The following CA10 variants were observed in gnomAD, a reference collection of about 807,000 sequenced individuals.
CA10 encodes the protein carbonic anhydrase 10 (inactive).
A neutral mutation model predicts 44.2 loss-of-function variants in CA10; 14 were observed. That is an observed-to-expected ratio of 0.32 (90% CI 0.21 to 0.50). The LOEUF is 0.50. Among genes scored for constraint, CA10 ranks in the 20% least tolerant of loss-of-function variants. The pLI is 0.99. For missense variants in CA10, 350 were observed against 409.7 expected, an observed-to-expected ratio of 0.85 and a Z score of 1.26; for synonymous variants, 159 against 141.6, an observed-to-expected ratio of 1.12 and a Z score of -0.87.
intron 2 of CA10, among the ~76,000 whole-genome samples, chr17:52,064,053 G>C (rs2143104777): frequency 6.6e-6 from 1 of 152,346 alleles, no homozygotes; most frequent in South Asian, 2.1e-4. Flanking sequence ...TTAAAAGAGA[G>C]TCTAGGCCTT....
intron 4 of CA10, among the ~76,000 whole-genome samples, chr17:51,674,780 G>C (rs1287962777): frequency 2.6e-5 from 4 of 152,142 alleles, no homozygotes; most frequent in Admixed American, 2.6e-4. Flanking sequence ...CAGGATTGAA[G>C]TCAGTTAAAA....
At chr17:52,063,795 T>G (rs930968181) in intron 2 of CA10, among the ~76,000 whole-genome samples, 3 of 152,170 alleles carry the variant, frequency 2.0e-5, no homozygotes, top group African/African-American at 7.2e-5. Flanking sequence ...AAATTCTTTA[T>G]GAATTATCCA....
At chr17:51,754,400 GAT>G (rs56145404) in intron 3 of CA10, among the ~76,000 whole-genome samples, 3,630 of 71,552 alleles carry the variant, frequency 0.051, 102 homozygotes, top group Non-Finnish European at 0.057. Context: ...GTGTGTGTGT[GAT>G]ATATATATAT....
chr17:52,149,156 T>C (rs1471095480), intron 1 of CA10, among the ~76,000 whole-genome samples: 1 of 152,262 alleles, frequency 6.6e-6, no homozygotes, highest in Non-Finnish European at 1.5e-5. Context: ...ATTCCAACTC[T>C]GGCATTGCTG....
chr17:51,638,485 T>C (rs140500800), intron 6 of CA10, among the ~76,000 whole-genome samples: 1 of 152,358 alleles, frequency 6.6e-6, no homozygotes, highest in Non-Finnish European at 1.5e-5. Context: ...GTCTGCACTA[T>C]GGCCTGTTTG....
chr17:52,142,144 C>G (rs1344453251), intron 1 of CA10, among the ~76,000 whole-genome samples: 1 of 152,168 alleles, frequency 6.6e-6, no homozygotes, highest in Admixed American at 6.5e-5. Context: ...TAAGTGTCTG[C>G]AAGGTGCCTT....
chr17:51,706,881 A>G (rs1166258765), intron 4 of CA10, among the ~76,000 whole-genome samples: 1 of 152,056 alleles, frequency 6.6e-6, no homozygotes, highest in Non-Finnish European at 1.5e-5. Context: ...GTCTTTGTTC[A>G]TATGTCACAT....
At chr17:51,701,286 C>T (rs1245043392) in intron 4 of CA10, among the ~76,000 whole-genome samples, 1 of 151,994 alleles carries the variant, frequency 6.6e-6, no homozygotes. Flanking sequence ...GTCTGTGTCC[C>T]AATTTCCCTC....
chr17:51,717,724 TATACATATATAC>T (rs1567815360), intron 4 of CA10, among the ~76,000 whole-genome samples: 3 of 32,790 alleles, frequency 9.1e-5, no homozygotes, highest in East Asian at 1.3e-3. Flanking sequence ...TATACGTATA[TATACATATATAC>T]GTATATATAC....
chr17:51,956,515 G>T (rs1191717528), intron 2 of CA10, among the ~76,000 whole-genome samples: 3 of 152,132 alleles, frequency 2.0e-5, no homozygotes, highest in African/African-American at 7.2e-5. Flanking sequence ...AAAAATAATT[G>T]TCTTCAACAG....
intron 2 of CA10, among the ~76,000 whole-genome samples, chr17:52,027,764 G>A (rs987465405): frequency 6.6e-6 from 1 of 152,106 alleles, no homozygotes; most frequent in East Asian, 1.9e-4. Context: ...CCAGAAGTGA[G>A]GCAGATACAA....
At chr17:51,979,979 T>C (rs931055190) in intron 2 of CA10, among the ~76,000 whole-genome samples, 1 of 152,156 alleles carries the variant, frequency 6.6e-6, no homozygotes, top group Admixed American at 6.6e-5. Flanking sequence ...TGAATAGTGC[T>C]GCAATGAAAG....
intron 1 of CA10, among the ~76,000 whole-genome samples, chr17:52,132,104 T>A (rs1290383673): frequency 3.3e-5 from 5 of 151,876 alleles, no homozygotes; most frequent in African/African-American, 1.2e-4. Flanking sequence ...AGCACATGTA[T>A]ACATAGCACA....
intron 4 of CA10, among the ~76,000 whole-genome samples, chr17:51,726,262 T>C (rs905665944): frequency 5.3e-5 from 8 of 152,230 alleles, no homozygotes; most frequent in Admixed American, 4.6e-4. Flanking sequence ...ATCTACACTA[T>C]TCCAGGTAAC....
intron 2 of CA10, among the ~76,000 whole-genome samples, chr17:52,002,467 T>A (rs888942258): frequency 6.6e-6 from 1 of 151,794 alleles, no homozygotes; most frequent in African/African-American, 2.4e-5. Context: ...GAACAGAGAA[T>A]GTAGAGGAGG....
Position 51,822,825 on chromosome 17 carries a change from G to A in CA10, c.280-75007C>T, listed in dbSNP as rs562127579. 5.3e-5 allele frequency among the ~76,000 whole-genome samples: 8 copies of A among 152,228 alleles called. No individual in the cohort carries two copies. The South Asian group carries it at 8.3e-4, about 16-fold the overall frequency. On this transcript the variant is annotated intron_variant, in intron 3 of 8. Transcript: ENST00000451037. ...AAGGAGGGAAGAAGGTATTTGATGGGGGGTCCAAATATCATGTGAGAAGAC... is the reference window on the plus strand; with the variant it reads ...AAGGAGGGAAGAAGGTATTTGATGGAGGGTCCAAATATCATGTGAGAAGAC...
At chr17:51,821,434 G>T (rs909731178) in intron 3 of CA10, among the ~76,000 whole-genome samples, 1 of 151,834 alleles carries the variant, frequency 6.6e-6, no homozygotes. Context: ...AATCATGCCA[G>T]CTTTACTCTC....
chr17:51,869,776 G>T (rs927714136), intron 3 of CA10, among the ~76,000 whole-genome samples: 2 of 152,110 alleles, frequency 1.3e-5, no homozygotes, highest in African/African-American at 2.4e-5. Context: ...AAAGCAGTTT[G>T]TCTGCCAGAG....
At chr17:51,847,744 A>G (rs1162840508) in intron 3 of CA10, among the ~76,000 whole-genome samples, 1 of 152,130 alleles carries the variant, frequency 6.6e-6, no homozygotes, top group Non-Finnish European at 1.5e-5. Context: ...GCAGCCTTCC[A>G]TGGGTCTCTG....
Sources: gnomAD v4.1 joint callset for allele counts (sites outside exome capture counted in the v4.1 genomes callset) on GRCh38, gnomAD v4.1.1 for gene constraint, MANE v1.5 for transcripts, NCBI Gene and HGNC (gene_info 2026-07-23, HGNC 2026-07-21) for gene names.